The following LINGO2 variants were observed in gnomAD, a reference collection of about 807,000 sequenced individuals.
LINGO2 encodes leucine rich repeat and Ig domain containing 2, also known as leucine-rich repeat and immunoglobulin-like domain-containing nogo receptor-interacting protein 2.
LINGO2 carries 14 observed loss-of-function variants against 30.6 expected under a neutral mutation model. The observed-to-expected ratio is 0.46, with a 90% CI of 0.30 to 0.72. The LOEUF is 0.72. Ranked by LOEUF, LINGO2 falls within the 30% of genes least tolerant of loss-of-function variation. LINGO2 has a pLI of 0.07. For missense variants in LINGO2, 729 were observed against 751.7 expected (o/e 0.97, Z 0.35); for synonymous variants, 317 against 288.5 (o/e 1.10, Z -1.00).
chr9:28,023,461 A>G (rs1438998177), intron 4 of LINGO2, among the ~76,000 whole-genome samples: 2 of 152,130 alleles, frequency 1.3e-5, no homozygotes, highest in East Asian at 1.9e-4. Context: ...CACTGTTACT[A>G]TATTGGAAAC....
At chr9:28,672,647 A>G (rs1325450940), upstream of LINGO2, among the ~76,000 whole-genome samples, 1 of 152,192 alleles carries the variant, frequency 6.6e-6, no homozygotes, top group Non-Finnish European at 1.5e-5. Flanking sequence ...CTGAATGTCT[A>G]AAGTGTTTAT....
chr9:28,482,330 A>G (rs9802355), intron 1 of LINGO2, among the ~76,000 whole-genome samples: 27,211 of 152,002 alleles, frequency 0.18, 2,768 homozygotes, highest in Non-Finnish European at 0.22. Context: ...CTGCTGTGAG[A>G]TGGTATCTCA....
In LINGO2 at chr9:28,214,249, G is replaced by A. The variant is rs75003131; in HGVS notation, c.-87+80959C>T. On this transcript the variant is annotated intron_variant, in intron 4 of 5. Coordinates refer to ENST00000379992, the Ensembl canonical transcript of LINGO2. ...AAAGCAATGGAACAAAATTGCTGAT[G>A]GACCATGACATTCTCTTTGCCTGAA... Among the ~76,000 whole-genome samples, 122 of 151,626 alleles carry A rather than the reference G, an allele frequency of 8.0e-4. 2 individuals are homozygous for A. Among genetic ancestry groups the A allele is most frequent in the African/African-American group, 2.8e-3 (115 of 41,482 alleles).
At chr9:28,189,052 C>T (rs1034095546) in intron 4 of LINGO2, among the ~76,000 whole-genome samples, 2 of 71,254 alleles carry the variant, frequency 2.8e-5, no homozygotes, top group African/African-American at 8.9e-5. Flanking sequence ...GAGGATATAT[C>T]CCAGAAAAGT....
At chr9:28,070,645 A>G (rs771086008) in intron 4 of LINGO2, among the ~76,000 whole-genome samples, 9 of 152,190 alleles carry the variant, frequency 5.9e-5, no homozygotes, top group Non-Finnish European at 1.3e-4. Flanking sequence ...GGCAAATCTT[A>G]TAACTACTGT....
the LINGO2 span, among the ~76,000 whole-genome samples, chr9:28,729,416 CAG>C: frequency 1.3e-5 from 2 of 151,514 alleles, no homozygotes; most frequent in African/African-American, 4.9e-5. Flanking sequence ...AGAACAGAAA[CAG>C]AGGAAAAAAA....
chr9:27,999,339 TATG>T (rs1367903513), intron 5 of LINGO2, among the ~76,000 whole-genome samples: 1 of 151,956 alleles, frequency 6.6e-6, no homozygotes, highest in Non-Finnish European at 1.5e-5. Context: ...AAGAGAAAGA[TATG>T]ATGTTTTGTG....
At chr9:29,208,100 TAGATTAAATC>T in the LINGO2 span, among the ~76,000 whole-genome samples, 1 of 152,070 alleles carries the variant, frequency 6.6e-6, no homozygotes, top group African/African-American at 2.4e-5. Context: ...TTCCATTTCA[TAGATTAAATC>T]ACTGAACAAA....
the LINGO2 span, among the ~76,000 whole-genome samples, chr9:28,945,754 C>T: frequency 1.3e-5 from 2 of 152,048 alleles, no homozygotes; most frequent in African/African-American, 4.8e-5. Flanking sequence ...AACTGTTGCC[C>T]TAGAGAAGCA....
At chr9:27,964,069 G>A (rs1039994942) in intron 5 of LINGO2, among the ~76,000 whole-genome samples, 3 of 151,954 alleles carry the variant, frequency 2.0e-5, no homozygotes, top group Non-Finnish European at 4.4e-5. Context: ...CTTTATACAT[G>A]ATTTCTAATT....
rs538322569 is a variant in LINGO2 at position 28,205,802 on chromosome 9, T to G, written c.-87+89406A>C. Among the ~76,000 whole-genome samples the G allele has an allele frequency of 1.8e-4, 28 of 152,262 alleles. 1 individual carries two copies. The highest frequency in any genetic ancestry group is 1.6e-3 in the Admixed American group (25 of 15,292). On this transcript the variant is annotated intron_variant, in intron 4 of 5. Coordinates refer to ENST00000379992, the Ensembl canonical transcript of LINGO2. ...AAACAAATCTTATCTCCATTTCCTTTTGTTCCAAGTCCAAGCTAGGCAAAC... is the reference window on the plus strand; with the variant it reads ...AAACAAATCTTATCTCCATTTCCTTGTGTTCCAAGTCCAAGCTAGGCAAAC...
chr9:28,319,904 G>C (rs1373418205), intron 3 of LINGO2, among the ~76,000 whole-genome samples: 1 of 151,996 alleles, frequency 6.6e-6, no homozygotes. Flanking sequence ...AAAAGAAAAA[G>C]GTATTAATGC....
chr9:29,070,909 G>C, the LINGO2 span, among the ~76,000 whole-genome samples: 1,095 of 150,512 alleles, frequency 7.3e-3, 13 homozygotes, highest in African/African-American at 0.026. Context: ...TATATGGCTA[G>C]AACCCCCTCT....
chr9:28,488,257 A>C (rs3904396), intron 1 of LINGO2, among the ~76,000 whole-genome samples: 105,457 of 151,982 alleles, frequency 0.69, 36,799 homozygotes, highest in South Asian at 0.77. Flanking sequence ...TGCCTGCAGA[A>C]CTCTAAAAAG....
intron 4 of LINGO2, among the ~76,000 whole-genome samples, chr9:28,062,885 G>A (rs1260477302): frequency 1.3e-5 from 2 of 151,740 alleles, no homozygotes; most frequent in Non-Finnish European, 2.9e-5. Flanking sequence ...AGCTGTCACT[G>A]CACTTCCATC....
intron 3 of LINGO2, among the ~76,000 whole-genome samples, chr9:28,302,064 T>C (rs1824168304): frequency 6.6e-6 from 1 of 152,160 alleles, no homozygotes; most frequent in African/African-American, 2.4e-5. Flanking sequence ...CCTTATAAGA[T>C]ATCTTGAAAG....
At chr9:28,885,275 G>C in the LINGO2 span, among the ~76,000 whole-genome samples, 3 of 147,838 alleles carry the variant, frequency 2.0e-5, no homozygotes, top group African/African-American at 7.5e-5. Context: ...GTGTGGAAGT[G>C]GTGGCGACCA....
chr9:28,144,346 T>G (rs1223263601), intron 4 of LINGO2, among the ~76,000 whole-genome samples: 3 of 152,200 alleles, frequency 2.0e-5, no homozygotes, highest in East Asian at 3.8e-4. Context: ...TCCCTTAGGA[T>G]TCTTGTTAAA....
intron 4 of LINGO2, among the ~76,000 whole-genome samples, chr9:28,018,625 A>T (rs1822959468): frequency 6.6e-6 from 1 of 152,156 alleles, no homozygotes; most frequent in South Asian, 2.1e-4. Flanking sequence ...GGAAATGCAA[A>T]TACAAACCAC....
Sources: gnomAD v4.1 joint callset for allele counts (sites outside exome capture counted in the v4.1 genomes callset) on GRCh38, gnomAD v4.1.1 for gene constraint, MANE v1.5 for transcripts, NCBI Gene and HGNC (gene_info 2026-07-23, HGNC 2026-07-21) for gene names.